The following RNLS variants were observed in gnomAD, a reference collection of about 807,000 sequenced individuals.
The protein encoded by RNLS is renalase.
RNLS carries 39 observed loss-of-function variants against 39.8 expected under a neutral mutation model. The observed-to-expected ratio is 0.98, with a 90% confidence interval of 0.76 to 1.28. The LOEUF (loss-of-function observed/expected upper bound fraction) is 1.28. Among genes scored for constraint, RNLS ranks in the 50% most tolerant of loss-of-function variants. The pLI is 0.00. For missense variants in RNLS, 410 were observed against 413.3 expected, an observed-to-expected ratio of 0.99 and a Z score of 0.07; for synonymous variants, 147 against 150.7, an observed-to-expected ratio of 0.98 and a Z score of 0.18.
chr10:88,377,494 T>C (rs1851110725), intron 4 of RNLS, among the ~76,000 whole-genome samples: 1 of 152,156 alleles, frequency 6.6e-6, no homozygotes, highest in South Asian at 2.1e-4. Flanking sequence ...ACCTAGGCTA[T>C]ATGGTCTAGT....
At chr10:88,396,053 C>T (rs115594916) in intron 4 of RNLS, among the ~76,000 whole-genome samples, 1 of 152,166 alleles carries the variant, frequency 6.6e-6, no homozygotes, top group African/African-American at 2.4e-5. Context: ...ACTGTGGTAA[C>T]TCATTGGCAG....
chr10:88,558,756 G>A (rs1849007690), intron 4 of RNLS, among the ~76,000 whole-genome samples: 2 of 151,864 alleles, frequency 1.3e-5, no homozygotes. Context: ...AAAGACAAGA[G>A]AATTAGGAAA....
the RNLS span, among the ~76,000 whole-genome samples, chr10:88,196,866 A>G: frequency 6.6e-6 from 1 of 152,214 alleles, no homozygotes; most frequent in Non-Finnish European, 1.5e-5. Flanking sequence ...TCCAGTTTAT[A>G]TATTAATTCT....
chr10:88,432,017 T>C (rs911672117), intron 4 of RNLS, among the ~76,000 whole-genome samples: 1 of 151,804 alleles, frequency 6.6e-6, no homozygotes, highest in Non-Finnish European at 1.5e-5. Flanking sequence ...ATTTTATATC[T>C]TCTTGTTCTA....
chr10:88,273,660 G>T (rs907307351), downstream of RNLS, among the ~76,000 whole-genome samples: 16 of 151,888 alleles, frequency 1.1e-4, no homozygotes, highest in Admixed American at 6.6e-5. Flanking sequence ...ATAAACCATC[G>T]TCTGCATCCT....
At chr10:88,491,560 A>G (rs1248823436) in intron 4 of RNLS, among the ~76,000 whole-genome samples, 1 of 152,204 alleles carries the variant, frequency 6.6e-6, no homozygotes, top group East Asian at 1.9e-4. Context: ...AGAAGTTTCC[A>G]TTGTCTCTTG....
intron 5 of RNLS, among the ~76,000 whole-genome samples, chr10:88,349,588 C>A (rs537336666): frequency 6.6e-6 from 1 of 152,226 alleles, no homozygotes; most frequent in East Asian, 1.9e-4. Context: ...TAGGCATGAG[C>A]AAGTGAACCT....
In RNLS at chr10:88,321,795, T is replaced by A. The variant is rs552495950; in HGVS notation, c.701-7154A>T. ...ACCAATAATGAGCTAGAAAATTGAA[T>A]TAGTAACAAAAAATCTACAAACCAA... On this transcript the variant is annotated intron_variant, in intron 5 of 6. Coordinates refer to ENST00000331772, the MANE Select transcript of RNLS (RefSeq NM_001031709.3). Among the ~76,000 whole-genome samples the A allele has an allele frequency of 3.3e-5, 5 of 151,802 alleles. No individual in the cohort carries two copies. In the South Asian group the frequency reaches 1.0e-3, roughly 32 times the overall value.
intron 4 of RNLS, among the ~76,000 whole-genome samples, chr10:88,486,717 G>A (rs1844548781): frequency 6.6e-6 from 1 of 152,130 alleles, no homozygotes; most frequent in African/African-American, 2.4e-5. Flanking sequence ...AATAACAGAT[G>A]CTGGTGAGGT....
At chr10:88,520,574 G>C (rs1435852087) in intron 4 of RNLS, among the ~76,000 whole-genome samples, 1 of 152,018 alleles carries the variant, frequency 6.6e-6, no homozygotes, top group Non-Finnish European at 1.5e-5. Flanking sequence ...GATGATTGAG[G>C]TAGTAAGAGG....
chr10:88,542,286 A>C (rs1316847946), intron 4 of RNLS, among the ~76,000 whole-genome samples: 1 of 152,142 alleles, frequency 6.6e-6, no homozygotes, highest in African/African-American at 2.4e-5. Context: ...TGGTGAAAAA[A>C]GAATGAAGTC....
chr10:88,395,985 G>A (rs1268448293), intron 4 of RNLS, among the ~76,000 whole-genome samples: 1 of 151,986 alleles, frequency 6.6e-6, no homozygotes, highest in Non-Finnish European at 1.5e-5. Context: ...TCTACATTCA[G>A]CAAAACTATC....
chr10:88,421,077 G>C (rs1449562313), intron 4 of RNLS, among the ~76,000 whole-genome samples: 1 of 152,198 alleles, frequency 6.6e-6, no homozygotes, highest in East Asian at 1.9e-4. Flanking sequence ...TCAGTTCCTT[G>C]GGAGATGAGA....
At chr10:88,252,268 C>A in the RNLS span, among the ~76,000 whole-genome samples, 1 of 151,816 alleles carries the variant, frequency 6.6e-6, no homozygotes, top group Non-Finnish European at 1.5e-5. Flanking sequence ...ATTTGATAAA[C>A]TATTTAGATT....
the RNLS span, among the ~76,000 whole-genome samples, chr10:88,171,954 C>T: frequency 7.2e-4 from 110 of 152,188 alleles, 1 homozygote; most frequent in Admixed American, 2.3e-3. Context: ...ACAATGTCCT[C>T]CAGGCTTGGC....
At chr10:88,362,153 C>T (rs765455645) in intron 5 of RNLS, among the ~76,000 whole-genome samples, 9 of 151,348 alleles carry the variant, frequency 5.9e-5, no homozygotes, top group East Asian at 1.9e-4. Context: ...AATTTCTAGC[C>T]GAGGGAGTGG....
At chr10:88,172,323 C>G in the RNLS span, among the ~76,000 whole-genome samples, 1 of 152,126 alleles carries the variant, frequency 6.6e-6, no homozygotes, top group Non-Finnish European at 1.5e-5. Flanking sequence ...TCTCAGCATC[C>G]TTGCAAGCAT....
chr10:88,299,450 C>T (rs1406376408), intron 6 of RNLS, among the ~76,000 whole-genome samples: 1 of 152,044 alleles, frequency 6.6e-6, no homozygotes, highest in Non-Finnish European at 1.5e-5. Flanking sequence ...TGGTGAAACC[C>T]CATCTCTACT....
chr10:88,283,841 G>A (rs1843109889), downstream of RNLS, among the ~76,000 whole-genome samples: 1 of 151,956 alleles, frequency 6.6e-6, no homozygotes, highest in Admixed American at 6.6e-5. Context: ...AGAGGATCAG[G>A]AAAAATAACT....
Sources: gnomAD v4.1 joint callset for allele counts (sites outside exome capture counted in the v4.1 genomes callset) on GRCh38, gnomAD v4.1.1 for gene constraint, MANE v1.5 for transcripts, NCBI Gene and HGNC (gene_info 2026-07-23, HGNC 2026-07-21) for gene names.